The following YLPM1 variants were observed in gnomAD, a reference collection of about 807,000 sequenced individuals.
YLPM1 encodes YLP motif containing 1, also known as YLP motif-containing protein 1.
Under a neutral mutation model 230.0 loss-of-function variants are expected in YLPM1, and 99 were observed. That is an observed-to-expected ratio of 0.43 (90% confidence interval 0.37 to 0.51). The LOEUF is 0.51. YLPM1 is among the 20% of genes least tolerant of loss of function. YLPM1 has a pLI of 0.00. For synonymous variants in YLPM1, 984 were observed against 942.5 expected (o/e 1.04, Z -0.81); for missense variants, 2,592 against 2,707.7 (o/e 0.96, Z 0.95).
Position 74,809,942 on chromosome 14 carries a change from T to C in YLPM1, c.4972T>C (p.Tyr1658His), listed in dbSNP as rs1372607558. 6.2e-7 allele frequency: 1 copy of C among 1,609,958 alleles called. No homozygotes were observed. Among genetic ancestry groups the C allele is most frequent in the Non-Finnish European group, 8.5e-7 (1 of 1,177,842 alleles). Residue 1658 changes from tyrosine (Y) to histidine (H), a missense_variant, in exon 8 of 21, where the codon TAT (tyrosine) becomes CAT (histidine). Tyr to His is a moderately conservative substitution (Grantham distance 83). This residue lies in a region of YLPM1 where 403 missense variants were observed against 426.7 expected (regional missense o/e 0.94). Transcript: ENST00000325680. ...ISTNKVEQIP[Y>H]GERITLRPDP... ...CACTAATAAAGTTGAACAGATACCT[T>C]ATGGAGAAAGAATAACTCTACGCCC...
At chr14:74,820,495 G>T (rs1412007092) in intron 16 of YLPM1, among the ~76,000 whole-genome samples, 1 of 151,972 alleles carries the variant, frequency 6.6e-6, no homozygotes, top group African/African-American at 2.4e-5. Flanking sequence ...CGATCCTCCT[G>T]CCCCAACCTC....
Position 74,809,913 on chromosome 14 carries a change from T to C in YLPM1, c.4943T>C (p.Ile1648Thr), listed in dbSNP as rs776443929. 2.5e-6 allele frequency: 4 copies of C among 1,607,774 alleles called. No homozygotes were observed. The Admixed American group carries it at 5.1e-5, about 20-fold the overall frequency. The change falls in exon 8 of 21, where the codon ATA becomes ACA. Residue 1648 changes from isoleucine (I) to threonine (T), a missense_variant. Coordinates refer to ENST00000325680, the MANE Select transcript of YLPM1 (RefSeq NM_019589.3). ...TATCTCTGATTTTGTTTACCAGATATATCCACTAATAAAGTTGAACAGATA... is the reference window on the plus strand; with the variant it reads ...TATCTCTGATTTTGTTTACCAGATACATCCACTAATAAAGTTGAACAGATA... The part of the protein sequence containing the change: ...QTVDYGHGRD[I>T]STNKVEQIPY...
chr14:74,829,786 T>C (rs1284864269), intron 19 of YLPM1, among the ~76,000 whole-genome samples: 1 of 151,940 alleles, frequency 6.6e-6, no homozygotes, highest in East Asian at 1.9e-4. Context: ...ACTGGGGGAG[T>C]CATAGGTCAT....
chr14:74,824,399 C>T, intron 18 of YLPM1, 92 bp downstream of exon 18: 2 of 1,313,692 alleles, frequency 1.5e-6, no homozygotes, highest in African/African-American at 1.5e-5. Context: ...TTTCCTAAAA[C>T]TTCTACTTGA....
At chr14:74,793,126 G>C (rs545842478) in intron 4 of YLPM1, among the ~76,000 whole-genome samples, 1 of 152,262 alleles carries the variant, frequency 6.6e-6, no homozygotes, top group Non-Finnish European at 1.5e-5. Flanking sequence ...CTGGTATTCT[G>C]AAATTTCAGT....
At chr14:74,794,432 T>G (rs1254805046) in intron 4 of YLPM1, among the ~76,000 whole-genome samples, 2 of 152,216 alleles carry the variant, frequency 1.3e-5, no homozygotes, top group Admixed American at 6.5e-5. Flanking sequence ...TCCACTCGCC[T>G]CCGCGTCCCA....
rs1443910782 is a variant in YLPM1 at position 74,829,291 on chromosome 14, T to C, written c.6242T>C (p.Leu2081Pro). 6.2e-7 allele frequency: 1 copy of C among 1,613,300 alleles called. No individual in the cohort carries two copies. Among genetic ancestry groups the C allele is most frequent in the South Asian group, 1.1e-5 (1 of 91,084 alleles). Residue 2081 changes from leucine to proline, a missense_variant, in exon 19 of 21, where the codon CTT becomes CCT. Transcript: ENST00000325680. ...ATTGCCAGCAGAATGGAGGATTATC[T>C]TCAGCTCCCCGATGATTATGATACT... ...EAIASRMEDY[L>P]QLPDDYDTRA...
At position 74,798,833 on chromosome 14, in the gene YLPM1, A is replaced by G; in HGVS notation, c.3536A>G (p.Lys1179Arg). 1 of 1,613,880 alleles carries G rather than the reference A, an allele frequency of 6.2e-7. No individual in the cohort carries two copies. Among genetic ancestry groups the G allele is most frequent in the South Asian group, 1.1e-5 (1 of 91,064 alleles). Residue 1179 changes from lysine (K) to arginine (R), a missense_variant, in exon 5 of 21, where the codon AAA becomes AGA. Lys to Arg is a conservative substitution (Grantham distance 26). Around this residue, in one of 4 missense-constraint regions of YLPM1, gnomAD observed 1,862 missense variants for 1,819.8 expected, o/e 1.02. Transcript: ENST00000325680. ...CCAGAACCAGGAGATGGTGGGGAAA[A>G]AATGTATCCATATCACCGGGATGAG... ...FRPEPGDGGE[K>R]MYPYHRDEPP...
chr14:74,796,702 A>G (rs1411289803), intron 4 of YLPM1, among the ~76,000 whole-genome samples: 1 of 150,888 alleles, frequency 6.6e-6, no homozygotes, highest in East Asian at 1.9e-4. Flanking sequence ...ATAACTGTGC[A>G]GACTTTTTAA....
In YLPM1 at chr14:74,763,753, C is replaced by G. The variant is rs756351026; in HGVS notation, c.264C>G (p.Pro88=). The G allele has an allele frequency of 6.7e-7, 1 of 1,493,140 alleles. No individual in the cohort carries two copies. Among genetic ancestry groups the G allele is most frequent in the South Asian group, 1.4e-5 (1 of 72,124 alleles). The allele number at this position is 1,493,140 out of a possible 1,614,324, so 92.5% of individuals were successfully genotyped here. ...ACCTTCCTCCGCCCCCTCTGCCGCC[C>G]CCGCCAGTGATGCCGGGGGGCGGCT... The part of the protein sequence containing the change: ...PHHLPPPPLP[P]PPVMPGGGYG... The change falls in exon 1 of 21, where the codon CCC becomes CCG. Residue 88 remains proline (P), a synonymous_variant. Transcript: ENST00000325680.
chr14:74,828,279 T>A (rs1480674177), intron 18 of YLPM1, among the ~76,000 whole-genome samples: 2 of 152,206 alleles, frequency 1.3e-5, no homozygotes, highest in East Asian at 3.8e-4. Context: ...CTTTTCTTCA[T>A]TGGCCTGCCT....
At chr14:74,810,031 TA>T in intron 8 of YLPM1, 29 bp downstream of exon 8, 1 of 1,560,936 alleles carries the variant, frequency 6.4e-7, no homozygotes, top group Non-Finnish European at 8.7e-7. Flanking sequence ...TCAGTATTTT[TA>T]AACATTTTAG....
In YLPM1 at chr14:74,781,883, G is replaced by A; in HGVS notation, c.1840G>A (p.Ala614Thr). 6.2e-7 allele frequency: 1 copy of A among 1,612,676 alleles called. No homozygotes were observed. The highest frequency in any genetic ancestry group is 1.1e-5 in the South Asian group (1 of 90,988). ...TCCCCCACCATCTCTCTCTTCAACAGCACCTCCACCTGTCATGCCCCTCCC... is the reference window on the plus strand; with the variant it reads ...TCCCCCACCATCTCTCTCTTCAACAACACCTCCACCTGTCATGCCCCTCCC... ...VLPPPSLSST[A>T]PPPVMPLPPL... Residue 614 changes from alanine (A) to threonine (T), a missense_variant, in exon 4 of 21, where the codon GCA (alanine) becomes ACA (threonine). By Grantham distance (58) the Ala-to-Thr change is moderately conservative. Coordinates refer to ENST00000325680, the MANE Select transcript of YLPM1 (RefSeq NM_019589.3).
intron 20 of YLPM1, 41 bp downstream of exon 20, chr14:74,835,488 G>C (rs145529968): frequency 2.6e-6 from 4 of 1,533,014 alleles, no homozygotes; most frequent in Non-Finnish European, 3.5e-6. Context: ...CTGTGTGGTT[G>C]CTTCAAAGGG....
At chr14:74,779,278 G>A (rs2091070622) in intron 2 of YLPM1, among the ~76,000 whole-genome samples, 1 of 152,166 alleles carries the variant, frequency 6.6e-6, no homozygotes, top group African/African-American at 2.4e-5. Context: ...CAATAGTTGA[G>A]TGCTTGAGCT....
At chr14:74,821,278 C>CTT in intron 17 of YLPM1, 141 bp downstream of exon 17, 1 of 1,223,878 alleles carries the variant, frequency 8.2e-7, no homozygotes, top group African/African-American at 1.6e-5. Context: ...TTCAAGGAGA[C>CTT]TTTTGGATAC....
chr14:74,776,615 A>G lies in YLPM1; in HGVS notation c.874-1832A>G, dbSNP rs149139446. Among the ~76,000 whole-genome samples, 185 of 152,338 alleles carry G rather than the reference A, an allele frequency of 1.2e-3. 1 individual carries two copies. The highest frequency in any genetic ancestry group is 4.4e-3 in the African/African-American group (183 of 41,576). ...AATAGACTGAAAATGACACTTATTTATAGTATAGAGCTGGAACAAGAAGGC... is the reference window on the plus strand; with the variant it reads ...AATAGACTGAAAATGACACTTATTTGTAGTATAGAGCTGGAACAAGAAGGC... On this transcript the variant is annotated intron_variant, in intron 1 of 20. Coordinates refer to ENST00000325680, the MANE Select transcript of YLPM1 (RefSeq NM_019589.3).
intron 17 of YLPM1, among the ~76,000 whole-genome samples, chr14:74,822,969 A>C (rs1298538755): frequency 2.0e-5 from 3 of 152,124 alleles, no homozygotes; most frequent in Admixed American, 2.0e-4. Flanking sequence ...ATGATTTTTA[A>C]GATGTAACTT....
chr14:74,783,195 G>A (rs2091113077), intron 4 of YLPM1, among the ~76,000 whole-genome samples: 1 of 152,066 alleles, frequency 6.6e-6, no homozygotes, highest in African/African-American at 2.4e-5. Flanking sequence ...CTCCCAGGTG[G>A]CTGGGACCAG....
Sources: gnomAD v4.1 joint callset for allele counts (sites outside exome capture counted in the v4.1 genomes callset) on GRCh38, gnomAD v4.1.1 for gene constraint, gnomAD v4.1.1 regional missense constraint, MANE v1.5 for transcripts, NCBI Gene and HGNC (gene_info 2026-07-23, HGNC 2026-07-21) for gene names.